FMR1: variants seen among roughly 807,000 people sequenced by gnomAD.
FMR1 encodes the protein FMRP translational regulator 1.
In FMR1, 13 loss-of-function variants were observed where a neutral mutation model predicts 50.6. The observed-to-expected ratio is 0.26, with a 90% CI of 0.17 to 0.41. The LOEUF (loss-of-function observed/expected upper bound fraction) is 0.41. FMR1 is among the 10% of genes least tolerant of loss of function. The pLI is 1.00. For synonymous variants in FMR1, 138 were observed against 164.1 expected, an observed-to-expected ratio of 0.84 and a Z score of 1.22; for missense variants, 316 against 491.3, an observed-to-expected ratio of 0.64 and a Z score of 3.37.
At chrX:147,946,051 ATTT>A (rs1557181924) in intron 16 of FMR1, among the ~76,000 whole-genome samples, 1 of 110,966 alleles carries the variant, frequency 9.0e-6, no homozygotes, top group Non-Finnish European at 1.9e-5. Context: ...TAATTTTTGT[ATTT>A]TTAGTAGAGA....
chrX:147,948,063 TCAGA>T (rs1557182472), intron 16 of FMR1, among the ~76,000 whole-genome samples: 1 of 112,283 alleles, frequency 8.9e-6, no homozygotes, highest in African/African-American at 3.2e-5. Context: ...GTTCCATTCT[TCAGA>T]CAGAGTTCAG....
At chrX:147,945,981 A>AT (rs2044158188) in intron 16 of FMR1, among the ~76,000 whole-genome samples, 1 of 111,770 alleles carries the variant, frequency 8.9e-6, no homozygotes. Flanking sequence ...GGTTCAAGTG[A>AT]TTCTCCTGCC....
chrX:147,918,326 A>G (rs2042975309), intron 1 of FMR1, among the ~76,000 whole-genome samples: 1 of 111,828 alleles, frequency 8.9e-6, no homozygotes, highest in East Asian at 2.8e-4. Context: ...GTAACCTATG[A>G]GTTTCTTTTA....
chrX:147,912,261 G>T, intron 1 of FMR1, 31 bp downstream of exon 1: 1 of 1,144,171 alleles, frequency 8.7e-7, no homozygotes, highest in Middle Eastern at 3.0e-4. Flanking sequence ...CCCCATCTTC[G>T]CCCTTCCTTC....
intron 3 of FMR1, 163 bp from the exon 4 acceptor site, chrX:147,928,159 C>A: frequency 2.2e-6 from 1 of 453,294 alleles, no homozygotes; most frequent in Admixed American, 3.7e-5. Flanking sequence ...CTCTGCCTAC[C>A]TCGGGGTACA....
chrX:147,916,927 G>A (rs181422922), intron 1 of FMR1, among the ~76,000 whole-genome samples: 200 of 111,612 alleles, frequency 1.8e-3, no homozygotes, highest in Middle Eastern at 4.6e-3. Flanking sequence ...TAGTAGAGAT[G>A]AGGTTTCGCC....
intron 1 of FMR1, among the ~76,000 whole-genome samples, chrX:147,921,374 G>T (rs1360681330): frequency 9.0e-6 from 1 of 110,988 alleles, no homozygotes; most frequent in Non-Finnish European, 1.9e-5. Context: ...GTGAGATTGA[G>T]AACTTAATTC....
At chrX:147,917,341 G>C (rs782460384) in intron 1 of FMR1, among the ~76,000 whole-genome samples, 4 of 111,891 alleles carry the variant, frequency 3.6e-5, no homozygotes, top group Non-Finnish European at 7.5e-5. Flanking sequence ...TGAATAGATA[G>C]CTCTAGGCAT....
intron 5 of FMR1, 100 bp downstream of exon 5, chrX:147,928,907 G>T (rs1557178096): frequency 1.1e-6 from 1 of 930,360 alleles, no homozygotes; most frequent in Non-Finnish European, 1.5e-6. Flanking sequence ...ACTAGAAATT[G>T]ATTTTAAATT....
At chrX:147,912,319 T>C in intron 1 of FMR1, 89 bp downstream of exon 1, 1 of 910,477 alleles carries the variant, frequency 1.1e-6, no homozygotes, top group Non-Finnish European at 1.5e-6. Flanking sequence ...CGGGGCCCTC[T>C]TCCCGAGCAC....
At position 147,921,325 on chromosome X, in the gene FMR1, C is replaced by T. The variant is rs76469853; in HGVS notation, c.52-608C>T. ...AATTGTGTCATCAGATTTAAAAGAT[C>T]TAAACCTCTGGACTTTATATATTTT... On this transcript the variant is annotated intron_variant, in intron 1 of 16. Coordinates refer to ENST00000370475, the MANE Select transcript of FMR1 (RefSeq NM_002024.6). Among the ~76,000 whole-genome samples, 7 of 111,307 alleles carry T rather than the reference C, an allele frequency of 6.3e-5. No homozygotes were observed. The East Asian group carries it at 1.7e-3, about 27-fold the overall frequency.
intron 16 of FMR1, 43 bp from the exon 17 acceptor site, chrX:147,948,640 G>T: frequency 8.3e-7 from 1 of 1,210,559 alleles, no homozygotes; most frequent in Non-Finnish European, 1.1e-6. Flanking sequence ...ACAGATTACA[G>T]TAGGATATGG....
At chrX:147,929,079 CTT>C (rs2043492446) in intron 5 of FMR1, among the ~76,000 whole-genome samples, 1 of 112,071 alleles carries the variant, frequency 8.9e-6, no homozygotes, top group African/African-American at 3.2e-5. Context: ...TCTAAACTAA[CTT>C]TGTTCATTCT....
At chrX:147,948,626 A>G (rs782652591) in intron 16 of FMR1, 57 bp from the exon 17 acceptor site, 7 of 1,207,917 alleles carry the variant, frequency 5.8e-6, no homozygotes, top group Non-Finnish European at 7.8e-6. Flanking sequence ...TTGTCAGGCC[A>G]ATTACAGATT....
chrX:147,931,917 T>C (rs2043621376), intron 7 of FMR1, among the ~76,000 whole-genome samples: 1 of 112,165 alleles, frequency 8.9e-6, no homozygotes, highest in Non-Finnish European at 1.9e-5. Context: ...GAGGAATGTT[T>C]AGACCACAGT....
intron 7 of FMR1, among the ~76,000 whole-genome samples, chrX:147,931,935 G>A (rs1569545745): frequency 8.9e-6 from 1 of 111,875 alleles, no homozygotes; most frequent in East Asian, 2.8e-4. Context: ...AGTACCTAAT[G>A]ATGTTATAAA....
At position 147,912,081 on chromosome X, in the gene FMR1, AGGCGGC is replaced by A. The variant is rs782036637; in HGVS notation, c.-74_-69del. ...GCGGCGGCGGCGGCGGCGGCGGCGG[AGGCGGC>A]GGCGGCGGCGGCGGCGGCGGCGGCT... On this transcript the variant is annotated 5_prime_UTR_variant, in exon 1 of 17. Transcript: ENST00000370475. 4.2e-4 allele frequency: 119 copies of A among 283,633 alleles called. 1 individual carries two copies. Among genetic ancestry groups the A allele is most frequent in the Admixed American group, 3.6e-3 (28 of 7,794 alleles). The allele number at this position is 283,633 out of a possible 1,213,427, so 23.4% of individuals were successfully genotyped here.
chrX:147,917,873 G>A (rs938353836), intron 1 of FMR1, among the ~76,000 whole-genome samples: 2 of 111,623 alleles, frequency 1.8e-5, no homozygotes, highest in African/African-American at 3.3e-5. Context: ...GATTTTGAAC[G>A]TAGGTCTGAT....
rs1569546187 is a variant in FMR1, at chrX:147,949,909, T to C, written c.*1065T>C. On this transcript the variant is annotated 3_prime_UTR_variant, in exon 17 of 17. Transcript: ENST00000370475. ...GCATAATAATCCTGCAAAGTACAGG[T>C]ACTTTGTCTAAGAAACATTGGAAGC... 1 of 327,959 alleles carries C rather than the reference T, an allele frequency of 3.0e-6. No individual in the cohort carries two copies. The highest frequency in any genetic ancestry group is 5.9e-6 in the Non-Finnish European group (1 of 169,572). The allele number at this position is 327,959 out of a possible 1,213,427, so 27.0% of individuals were successfully genotyped here. A position where few individuals can be genotyped will look rare whatever the true frequency, so the allele number is the denominator to read the frequency against.
Sources: gnomAD v4.1 joint callset for allele counts (sites outside exome capture counted in the v4.1 genomes callset) on GRCh38, gnomAD v4.1.1 for gene constraint, MANE v1.5 for transcripts, NCBI Gene and HGNC (gene_info 2026-07-23, HGNC 2026-07-21) for gene names.